Variants in DAB1 observed in about 807,000 individuals in gnomAD.
DAB1 encodes disabled homolog 1.
Under a neutral mutation model 64.6 loss-of-function variants are expected in DAB1, and 15 were observed. The ratio of observed to expected loss-of-function variants is 0.23; its 90% CI spans 0.16 to 0.36. The LOEUF (loss-of-function observed/expected upper bound fraction) is 0.36, where lower values mean the gene tolerates loss of function less well. DAB1 is among the 10% of genes least tolerant of loss of function. The probability of loss-of-function intolerance (pLI) is 1.00; values close to 1 mark genes in which losing one functional copy is unlikely to be tolerated. For synonymous variants in DAB1, 235 were observed against 251.9 expected, an observed-to-expected ratio of 0.93 and a Z score of 0.64; for missense variants, 596 against 706.7, an observed-to-expected ratio of 0.84 and a Z score of 1.78.
At chr1:57,344,573 C>A (rs910340030) in intron 1 of DAB1, among the ~76,000 whole-genome samples, 6 of 151,916 alleles carry the variant, frequency 3.9e-5, no homozygotes, top group Non-Finnish European at 8.8e-5. Context: ...TGAAAAGGCT[C>A]CCACAGTCAC....
At chr1:57,353,203 C>A (rs1056784809) in intron 1 of DAB1, among the ~76,000 whole-genome samples, 3 of 151,298 alleles carry the variant, frequency 2.0e-5, no homozygotes, top group African/African-American at 7.3e-5. Flanking sequence ...TAGCACTTTT[C>A]AGTTTTGTCT....
intron 1 of DAB1, among the ~76,000 whole-genome samples, chr1:58,538,063 T>C (rs1646545955): frequency 6.6e-6 from 1 of 152,196 alleles, no homozygotes; most frequent in Non-Finnish European, 1.5e-5. Flanking sequence ...AAATAGAAGT[T>C]CTTGGTTTTT....
At chr1:57,797,864 C>G (rs548044551) in intron 6 of DAB1, among the ~76,000 whole-genome samples, 1 of 50,350 alleles carries the variant, frequency 2.0e-5, no homozygotes, top group African/African-American at 1.0e-4. Flanking sequence ...ATATAGAAAA[C>G]TGTACAAGCT....
In DAB1 at chr1:57,105,321, CA is replaced by C. The variant is rs1197969808; in HGVS notation, c.306+31221del. Reference sequence around the variant, plus strand: ...GCAAATGAAAAAAAAATGCATTTTTCAAAAAAGCAAACCTCAAAGAGCCCAG... The same window carrying C: ...GCAAATGAAAAAAAAATGCATTTTTCAAAAAGCAAACCTCAAAGAGCCCAG... On this transcript the variant is annotated intron_variant, in intron 4 of 14. Transcript: ENST00000371236. 8.6e-5 allele frequency among the ~76,000 whole-genome samples: 13 copies of C among 151,860 alleles called. No homozygotes were observed. The East Asian group carries it at 2.3e-3, about 27-fold the overall frequency.
chr1:58,409,889 A>C (rs1644650560), intron 3 of DAB1, among the ~76,000 whole-genome samples: 1 of 152,224 alleles, frequency 6.6e-6, no homozygotes, highest in South Asian at 2.1e-4. Context: ...CCAACTGGCC[A>C]CAAACAATCC....
intron 4 of DAB1, among the ~76,000 whole-genome samples, chr1:57,132,358 G>A (rs1657714311): frequency 1.3e-5 from 2 of 152,096 alleles, no homozygotes; most frequent in Admixed American, 1.3e-4. Context: ...TTGTGAGTCT[G>A]GGTTCACTAA....
At chr1:57,586,125 C>CA (rs1231993465) in intron 7 of DAB1, among the ~76,000 whole-genome samples, 1 of 152,072 alleles carries the variant, frequency 6.6e-6, no homozygotes, top group Non-Finnish European at 1.5e-5. Context: ...GGAAAAAAAG[C>CA]AAAAGCATAG....
chr1:58,228,211 G>A lies in DAB1; in HGVS notation n.310-77623C>T, dbSNP rs114659747. Among the ~76,000 whole-genome samples the A allele has an allele frequency of 6.4e-3, 978 of 152,292 alleles. 13 individuals carry two copies. Among genetic ancestry groups the A allele is most frequent in the African/African-American group, 0.023 (949 of 41,562 alleles). On this transcript the variant is annotated intron_variant and non_coding_transcript_variant, in intron 4 of 20. Transcript: ENST00000485760. ...AGATAGTTCCAAGTAAGTCAAACACGAAATCTAGTTGGATGAGATCCAACA... is the reference window on the plus strand; with the variant it reads ...AGATAGTTCCAAGTAAGTCAAACACAAAATCTAGTTGGATGAGATCCAACA...
chr1:58,162,177 A>C (rs1226858988), intron 4 of DAB1, among the ~76,000 whole-genome samples: 1 of 152,156 alleles, frequency 6.6e-6, no homozygotes, highest in African/African-American at 2.4e-5. Flanking sequence ...CTTGCCCTTA[A>C]AGTAACGGGA....
chr1:57,694,907 G>T (rs1365920549), intron 6 of DAB1, among the ~76,000 whole-genome samples: 7 of 151,714 alleles, frequency 4.6e-5, no homozygotes, highest in Non-Finnish European at 1.0e-4. Flanking sequence ...AAAATATAAA[G>T]ATATTTTTAA....
At chr1:57,492,639 G>A (rs759739763) in intron 7 of DAB1, among the ~76,000 whole-genome samples, 1 of 152,172 alleles carries the variant, frequency 6.6e-6, no homozygotes, top group African/African-American at 2.4e-5. Flanking sequence ...GAACTCTAGA[G>A]CCTAGGATAG....
chr1:57,061,439 G>A (rs1198490067), intron 9 of DAB1, among the ~76,000 whole-genome samples: 6 of 152,138 alleles, frequency 3.9e-5, no homozygotes, highest in South Asian at 4.1e-4. Flanking sequence ...TTTGTGAATC[G>A]CCCTGGTAAT....
chr1:58,462,519 T>C (rs1408789223), intron 3 of DAB1: 1 of 152,242 alleles, frequency 6.6e-6, no homozygotes, highest in African/African-American at 2.4e-5. Context: ...AAACTTCAAG[T>C]CTCATTAAAA....
intron 6 of DAB1, among the ~76,000 whole-genome samples, chr1:57,742,986 T>A (rs1227013063): frequency 6.6e-6 from 1 of 152,148 alleles, no homozygotes; most frequent in African/African-American, 2.4e-5. Flanking sequence ...GAGGTGTGTA[T>A]GCAATTATTG....
chr1:57,440,861 GT>G (rs1219098398), intron 7 of DAB1, among the ~76,000 whole-genome samples: 4 of 152,038 alleles, frequency 2.6e-5, no homozygotes, highest in African/African-American at 9.7e-5. Flanking sequence ...AGTTTCATTT[GT>G]TTTTTTATAA....
chr1:58,300,612 G>GAA (rs1456432665), intron 4 of DAB1, among the ~76,000 whole-genome samples: 1,174 of 43,944 alleles, frequency 0.027, 8 homozygotes, highest in Middle Eastern at 0.043. Context: ...AAGAAAGAAA[G>GAA]AGAGAGAGAG....
intron 3 of DAB1, among the ~76,000 whole-genome samples, chr1:58,441,575 T>C (rs1424796537): frequency 6.6e-6 from 1 of 152,172 alleles, no homozygotes; most frequent in Non-Finnish European, 1.5e-5. Flanking sequence ...GCTAGACAGA[T>C]TGTTTTTCCT....
At chr1:57,715,881 A>T (rs907548012) in intron 6 of DAB1, among the ~76,000 whole-genome samples, 3 of 152,190 alleles carry the variant, frequency 2.0e-5, no homozygotes, top group Admixed American at 6.5e-5. Context: ...TACAGACTCA[A>T]TGCAATTCCT....
At chr1:57,648,357 G>A (rs1646218439) in intron 7 of DAB1, among the ~76,000 whole-genome samples, 1 of 152,106 alleles carries the variant, frequency 6.6e-6, no homozygotes, top group African/African-American at 2.4e-5. Context: ...CATTAGAGGA[G>A]GCTGGGGTGC....
Sources: gnomAD v4.1 joint callset for allele counts (sites outside exome capture counted in the v4.1 genomes callset) on GRCh38, gnomAD v4.1.1 for gene constraint, MANE v1.5 for transcripts, NCBI Gene and HGNC (gene_info 2026-07-23, HGNC 2026-07-21) for gene names.